Variants in LGI2 observed in about 807,000 individuals in gnomAD.
LGI2 encodes the protein leucine rich repeat LGI family member 2.
In LGI2, 30 loss-of-function variants were observed where a neutral mutation model predicts 52.0. The ratio of observed to expected loss-of-function variants is 0.58; its 90% CI spans 0.43 to 0.78. The LOEUF (loss-of-function observed/expected upper bound fraction) is 0.78. LGI2 is among the 30% of genes least tolerant of loss of function. LGI2 has a pLI of 0.00. For missense variants in LGI2, 573 were observed against 692.5 expected (o/e 0.83, Z 1.94); for synonymous variants, 270 against 271.8 (o/e 0.99, Z 0.06).
chr4:25,029,493 C>T lies in LGI2; in HGVS notation c.198-915G>A, dbSNP rs12648882. ...CACAAGCAACGTCACCCCGGGGATT[C>T]CCTGCCTCCACCACTGACTGGGCAC... On this transcript the variant is annotated intron_variant, in intron 1 of 7. Coordinates refer to ENST00000382114, the MANE Select transcript of LGI2 (RefSeq NM_018176.4). Among the ~76,000 whole-genome samples the T allele has an allele frequency of 1.6e-3, 243 of 152,322 alleles. 3 individuals are homozygous for T. In the East Asian group the frequency reaches 0.045, roughly 28 times the overall value.
rs759613922 is a variant in LGI2, at chr4:25,030,637, G to T, written c.57C>A (p.Gly19=). 4 of 1,546,350 alleles carry T rather than the reference G, an allele frequency of 2.6e-6. No individual in the cohort carries two copies. In the South Asian group the frequency reaches 3.6e-5, roughly 14 times the overall value. The stretch of plus-strand genomic sequence containing the variant: ...CGCTCCGCGGTATCAGGCACGCGGC[G>T]CCCAGCAGCAGCAGCAGCAGCCCGA... ...GALGLLLLLL[G]AACLIPRSAQ... Residue 19 remains glycine (G), a synonymous_variant, in exon 1 of 8, where the codon GGC becomes GGA. Coordinates refer to ENST00000382114, the MANE Select transcript of LGI2 (RefSeq NM_018176.4).
At position 25,004,237 on chromosome 4, in the gene LGI2, G is replaced by A. The variant is rs751270457; in HGVS notation, c.852C>T (p.Leu284=). Residue 284 remains leucine (L), a synonymous_variant, in exon 8 of 8, where the codon CTC becomes CTT. Transcript: ENST00000382114. This position sits in a 1 kb window ranked among gnomAD's most constrained non-coding sequence, Gnocchi z 4.6. ...GQSIVGCKAI[L]IDDQVFVVVA... is the part of the protein sequence containing the mutation. ...CCACCACAAAGACCTGATCATCGAT[G>A]AGAATGGCCTTACAGCCCACGATGG... 1 of 1,613,976 alleles carries A rather than the reference G, an allele frequency of 6.2e-7. No homozygotes were observed. Among genetic ancestry groups the A allele is most frequent in the Non-Finnish European group, 8.5e-7 (1 of 1,179,980 alleles).
At chr4:25,014,484 C>CCAAAAAAAAAA (rs1553871855) in intron 6 of LGI2, among the ~76,000 whole-genome samples, 1 of 116,804 alleles carries the variant, frequency 8.6e-6, no homozygotes, top group African/African-American at 3.5e-5. Flanking sequence ...CCGCCCCCGC[C>CCAAAAAAAAAA]AAAAAAAAGG....
At chr4:25,025,751 T>C (rs944862627) in intron 3 of LGI2, among the ~76,000 whole-genome samples, 2 of 152,242 alleles carry the variant, frequency 1.3e-5, no homozygotes, top group African/African-American at 4.8e-5. Flanking sequence ...AATTAGTTCT[T>C]GATTCTTGCA....
downstream of LGI2, among the ~76,000 whole-genome samples, chr4:24,995,396 C>G (rs578017342): frequency 6.6e-6 from 1 of 152,314 alleles, no homozygotes; most frequent in South Asian, 2.1e-4. Flanking sequence ...AATCAGGAAT[C>G]CAGGAGTGGT....
chr4:25,026,335 T>C (rs1218010746), intron 3 of LGI2, among the ~76,000 whole-genome samples: 1 of 148,390 alleles, frequency 6.7e-6, no homozygotes, highest in Non-Finnish European at 1.5e-5. Context: ...AGGGGAGAAA[T>C]CTGCACATCA....
At chr4:25,018,260 T>C in intron 5 of LGI2, 102 bp from the exon 6 acceptor site, 1 of 782,648 alleles carries the variant, frequency 1.3e-6, no homozygotes, top group Non-Finnish European at 2.0e-6. Context: ...CATCCTGATA[T>C]ATTTAAAACC....
Position 25,028,597 on chromosome 4 carries a change from C to T in LGI2, c.198-19G>A. 1 of 1,605,448 alleles carries T rather than the reference C, an allele frequency of 6.2e-7. No individual in the cohort carries two copies. Among genetic ancestry groups the T allele is most frequent in the Non-Finnish European group, 8.5e-7 (1 of 1,175,440 alleles). ...CAGGCTCCTACGGGCAAAAGATGAA[C>T]AAAAGTAGGCCTAGGTTTCTTTTAG... On this transcript the variant is annotated intron_variant, in intron 1 of 7. Transcript: ENST00000382114.
In LGI2 at chr4:25,003,795, G is replaced by C. The variant is rs1725318036; in HGVS notation, c.1294C>G (p.Leu432Val). Residue 432 changes from leucine to valine, a missense_variant, in exon 8 of 8, where the codon CTC becomes GTC. Transcript: ENST00000382114. ...ATGAAGCGGGTAAGGGAAAGGTAGA[G>C]GGTATTTTGCATTCGGAAGCTCTTC... Reference protein sequence around the residue: ...AVKSFRMQNTLYLSLTRFIGD... With the variant: ...AVKSFRMQNTVYLSLTRFIGD... The C allele has an allele frequency of 1.2e-6, 2 of 1,614,200 alleles. No individual in the cohort carries two copies. Among genetic ancestry groups the C allele is most frequent in the Non-Finnish European group, 1.7e-6 (2 of 1,180,036 alleles).
chr4:25,012,226 C>G lies in LGI2; in HGVS notation c.820+109G>C. On this transcript the variant is annotated intron_variant, in intron 7 of 7. Transcript: ENST00000382114. The stretch of plus-strand genomic sequence containing the variant: ...GCTGGGACGTGTTCCCCAGCTCTAA[C>G]CAGGTTAGAGAGCCGAGCTCTCCCT... The G allele has an allele frequency of 2.4e-6, 3 of 1,253,914 alleles. 1 individual carries two copies. The highest frequency in any genetic ancestry group is 2.7e-5 in the South Asian group (2 of 73,046). The allele number at this position is 1,253,914 out of a possible 1,614,324, so 77.7% of individuals were successfully genotyped here.
At chr4:25,026,741 G>A in intron 3 of LGI2, 127 bp downstream of exon 3, 1 of 747,328 alleles carries the variant, frequency 1.3e-6, no homozygotes, top group Non-Finnish European at 2.4e-6. Flanking sequence ...GCTGAAAAGA[G>A]AATGGGGTGT....
rs946960239 is a variant in LGI2 at position 25,000,922 on chromosome 4, C to G, written c.*2529G>C. 2.0e-5 allele frequency: 3 copies of G among 152,180 alleles called. No individual in the cohort carries two copies. The highest frequency in any genetic ancestry group is 1.5e-5 in the Non-Finnish European group (1 of 68,042). 9.4% of individuals were successfully genotyped at this position (152,180 alleles called of 1,614,324 possible). A position where few individuals can be genotyped will look rare whatever the true frequency, so the allele number is the denominator to read the frequency against. On this transcript the variant is annotated 3_prime_UTR_variant, in exon 8 of 8. Transcript: ENST00000382114. ...AAGATTAATGAAGCAAAGATATCAC[C>G]ACCCCGTGCCAAGAACATCTATGCT... is the stretch of plus-strand genomic sequence containing the variant.
Position 25,002,766 on chromosome 4 carries a change from A to G in LGI2, c.*685T>C, listed in dbSNP as rs3733547. The G allele has an allele frequency of 0.075, 11,495 of 152,534 alleles. 633 individuals are homozygous for G. Among genetic ancestry groups the G allele is most frequent in the African/African-American group, 0.15 (6,108 of 41,480 alleles). The allele number at this position is 152,534 out of a possible 1,614,324, so 9.4% of individuals were successfully genotyped here. On this transcript the variant is annotated 3_prime_UTR_variant, in exon 8 of 8. Transcript: ENST00000382114. The stretch of plus-strand genomic sequence containing the variant: ...AAAGAGGGAAAAACTCCTTTGAGTC[A>G]CTCCTGGGCCTACAGCCTGTGCTGG...
chr4:24,994,323 C>T (rs1257452954), downstream of LGI2, among the ~76,000 whole-genome samples: 1 of 152,152 alleles, frequency 6.6e-6, no homozygotes, highest in Non-Finnish European at 1.5e-5. Flanking sequence ...GAACAGGGAG[C>T]CCGAGCTCCC....
chr4:25,016,241 C>T (rs531777359), intron 6 of LGI2, among the ~76,000 whole-genome samples: 2 of 152,280 alleles, frequency 1.3e-5, no homozygotes, highest in Admixed American at 1.3e-4. Context: ...CCCTATAGCC[C>T]ATTACTTCCA....
intron 7 of LGI2, among the ~76,000 whole-genome samples, chr4:25,010,228 C>T (rs548911888): frequency 2.0e-5 from 3 of 151,946 alleles, no homozygotes; most frequent in South Asian, 4.2e-4. Flanking sequence ...TGCAGTGAGC[C>T]GAGACTGCGC....
intron 4 of LGI2, among the ~76,000 whole-genome samples, chr4:25,023,068 T>A (rs62409671): frequency 3.3e-5 from 5 of 151,148 alleles, no homozygotes; most frequent in South Asian, 2.1e-4. Flanking sequence ...TATGTTGATG[T>A]TGATGATGAT....
chr4:24,993,476 T>C, the LGI2 span, among the ~76,000 whole-genome samples: 1 of 152,142 alleles, frequency 6.6e-6, no homozygotes, highest in Admixed American at 6.5e-5. Context: ...CAGCATCCTT[T>C]TAGAAAATAT....
downstream of LGI2, among the ~76,000 whole-genome samples, chr4:24,997,647 G>A (rs140950448): frequency 2.6e-4 from 40 of 152,234 alleles, no homozygotes; most frequent in African/African-American, 8.7e-4. Flanking sequence ...GGTTAGTATC[G>A]ATTCTGAGCA....
Sources: allele counts gnomAD v4.1 joint callset (sites outside exome capture counted in the v4.1 genomes callset), GRCh38; gene constraint gnomAD v4.1.1; non-coding constraint Gnocchi (gnomAD v3.1); transcripts MANE v1.5; gene names NCBI Gene and HGNC (gene_info 2026-07-23, HGNC 2026-07-21).